The following WWOX variants were observed in gnomAD, a reference collection of about 807,000 sequenced individuals.
WWOX encodes the protein WW domain containing oxidoreductase, also known as WW domain-containing oxidoreductase.
In WWOX, 69 loss-of-function variants were observed where a neutral mutation model predicts 46.2. That is an observed-to-expected ratio of 1.49 (90% CI 1.23 to 1.82). The LOEUF (loss-of-function observed/expected upper bound fraction) is 1.82, where lower values mean the gene tolerates loss of function less well. WWOX is among the 40% of genes most tolerant of loss of function. The pLI is 0.00. For synonymous variants in WWOX, 359 were observed against 202.6 expected (o/e 1.77, Z -6.56); for missense variants, 919 against 542.6 (o/e 1.69, Z -6.89).
chr16:78,475,785 G>A (rs553564467), intron 8 of WWOX, among the ~76,000 whole-genome samples: 2 of 152,098 alleles, frequency 1.3e-5, no homozygotes, highest in Admixed American at 1.3e-4. Flanking sequence ...TAGTAGAGAC[G>A]CGTTTCACCA....
At chr16:78,857,507 C>G (rs912563643) in intron 8 of WWOX, among the ~76,000 whole-genome samples, 1 of 152,140 alleles carries the variant, frequency 6.6e-6, no homozygotes, top group Admixed American at 6.5e-5. Context: ...TTCTGATAAA[C>G]TTTAATGCGA....
intron 8 of WWOX, among the ~76,000 whole-genome samples, chr16:79,189,387 A>G (rs141616282): frequency 0.019 from 2,894 of 148,982 alleles, 38 homozygotes; most frequent in Non-Finnish European, 0.03. Flanking sequence ...CCTCCCGAGT[A>G]GCTGGGACTA....
At position 78,432,689 on chromosome 16, in the gene WWOX, T is replaced by A; in HGVS notation, c.993T>A (p.Ile331=). The stretch of plus-strand genomic sequence containing the variant: ...CTGGAAATATGATGTACTCCAACAT[T>A]CATCGCAGCTGGTGGGTGTACACAC... ...VHPGNMMYSN[I]HRSWWVYTLL... is the part of the protein sequence containing the mutation. The change falls in exon 8 of 9, where the codon ATT becomes ATA. Residue 331 remains isoleucine, a synonymous_variant. Transcript: ENST00000566780. 6.2e-7 allele frequency: 1 copy of A among 1,614,164 alleles called. No homozygotes were observed. Among genetic ancestry groups the A allele is most frequent in the Non-Finnish European group, 8.5e-7 (1 of 1,180,030 alleles).
intron 5 of WWOX, among the ~76,000 whole-genome samples, chr16:78,249,175 CA>C (rs2151826905): frequency 6.6e-6 from 1 of 152,180 alleles, no homozygotes; most frequent in South Asian, 2.1e-4. Flanking sequence ...TTATAGATGA[CA>C]AGGCATGGAA....
At position 78,848,949 on chromosome 16, in the gene WWOX, T is replaced by G. The variant is rs148897690; in HGVS notation, c.1057-362659T>G. 3.2e-3 allele frequency among the ~76,000 whole-genome samples: 488 copies of G among 152,300 alleles called. 5 individuals are homozygous for G. The highest frequency in any genetic ancestry group is 0.011 in the African/African-American group (443 of 41,564). ...TCTGCTGGTTGTGATCATATTTCTA[T>G]TTAGGGGTAAAGGTGCTGAAAATCA... On this transcript the variant is annotated intron_variant, in intron 8 of 8. Coordinates refer to ENST00000566780, the MANE Select transcript of WWOX (RefSeq NM_016373.4).
At chr16:78,471,131 G>A (rs77739304) in intron 8 of WWOX, among the ~76,000 whole-genome samples, 9 of 152,198 alleles carry the variant, frequency 5.9e-5, no homozygotes, top group Non-Finnish European at 1.3e-4. Flanking sequence ...ACAGGGAAGA[G>A]GGAAAAGTCA....
intron 8 of WWOX, among the ~76,000 whole-genome samples, chr16:79,026,110 C>G (rs2047635811): frequency 6.6e-6 from 1 of 151,524 alleles, no homozygotes; most frequent in African/African-American, 2.4e-5. Flanking sequence ...CCCTGTTGCC[C>G]TTTTCAAAAC....
intron 8 of WWOX, among the ~76,000 whole-genome samples, chr16:78,832,308 A>C (rs1187941482): frequency 6.6e-6 from 1 of 152,200 alleles, no homozygotes; most frequent in East Asian, 1.9e-4. Flanking sequence ...CTGGTCTCCC[A>C]CAGAGTGATG....
At chr16:78,174,787 C>T (rs913873893) in intron 5 of WWOX, among the ~76,000 whole-genome samples, 5 of 152,076 alleles carry the variant, frequency 3.3e-5, no homozygotes, top group South Asian at 4.2e-4. Context: ...CAAAAGCTGG[C>T]GACCAGCCTG....
intron 8 of WWOX, among the ~76,000 whole-genome samples, chr16:79,167,227 C>T (rs1044255221): frequency 6.6e-6 from 1 of 152,184 alleles, no homozygotes; most frequent in Non-Finnish European, 1.5e-5. Flanking sequence ...CAGGCATGAA[C>T]CACCATGCCC....
chr16:78,226,768 G>A (rs986100402), intron 5 of WWOX, among the ~76,000 whole-genome samples: 2 of 152,026 alleles, frequency 1.3e-5, no homozygotes, highest in Non-Finnish European at 2.9e-5. Flanking sequence ...CACTATTACA[G>A]GTGCATGATA....
At chr16:79,175,730 A>G (rs933542345) in intron 8 of WWOX, among the ~76,000 whole-genome samples, 2 of 152,160 alleles carry the variant, frequency 1.3e-5, no homozygotes, top group Non-Finnish European at 1.5e-5. Flanking sequence ...ATGTTTAACA[A>G]AAAAGATCCT....
At chr16:79,159,864 G>C (rs1462273734) in intron 8 of WWOX, among the ~76,000 whole-genome samples, 1 of 152,166 alleles carries the variant, frequency 6.6e-6, no homozygotes, top group Non-Finnish European at 1.5e-5. Flanking sequence ...GCCTGGGCTT[G>C]TCAGCTTGGG....
intron 8 of WWOX, among the ~76,000 whole-genome samples, chr16:79,074,900 A>C (rs1181408827): frequency 2.0e-5 from 3 of 152,034 alleles, no homozygotes; most frequent in Non-Finnish European, 2.9e-5. Flanking sequence ...AAAGAAAAAT[A>C]AACGTTTTGC....
At chr16:78,701,514 C>G (rs985380102) in intron 8 of WWOX, among the ~76,000 whole-genome samples, 2 of 152,130 alleles carry the variant, frequency 1.3e-5, no homozygotes, top group Admixed American at 6.5e-5. Flanking sequence ...TCTATCTCTT[C>G]TATCTACCTG....
chr16:79,040,250 A>T (rs538750127), intron 8 of WWOX, among the ~76,000 whole-genome samples: 1 of 149,114 alleles, frequency 6.7e-6, no homozygotes, highest in South Asian at 2.1e-4. Flanking sequence ...TCTCAGGTAC[A>T]TTTCAGTTCA....
chr16:78,788,507 C>G (rs2142581858), intron 8 of WWOX, among the ~76,000 whole-genome samples: 1 of 152,296 alleles, frequency 6.6e-6, no homozygotes, highest in South Asian at 2.1e-4. Flanking sequence ...CATAAAAACC[C>G]AAGAGGGCTG....
intron 8 of WWOX, among the ~76,000 whole-genome samples, chr16:78,824,286 C>A (rs2051587558): frequency 6.6e-6 from 1 of 151,998 alleles, no homozygotes. Flanking sequence ...ATAAACTGAC[C>A]AATGATGATG....
intron 8 of WWOX, among the ~76,000 whole-genome samples, chr16:78,792,617 G>A (rs1056161800): frequency 2.0e-5 from 3 of 152,198 alleles, no homozygotes; most frequent in East Asian, 1.9e-4. Context: ...TTGCTCTGTC[G>A]CCCAAACAGA....
Sources: allele counts gnomAD v4.1 joint callset (sites outside exome capture counted in the v4.1 genomes callset), GRCh38; gene constraint gnomAD v4.1.1; transcripts MANE v1.5; gene names NCBI Gene and HGNC (gene_info 2026-07-23, HGNC 2026-07-21).